Variants in GLDN observed in about 807,000 individuals in gnomAD.
GLDN encodes the protein gliomedin.
Under a neutral mutation model 56.5 loss-of-function variants are expected in GLDN, and 47 were observed. The ratio of observed to expected loss-of-function variants is 0.83; its 90% confidence interval spans 0.66 to 1.06. The LOEUF is 1.06. Among genes scored for constraint, GLDN ranks in the 50% least tolerant of loss-of-function variants. The pLI is 0.00. For missense variants in GLDN, 782 were observed against 714.3 expected, an observed-to-expected ratio of 1.09 and a Z score of -1.08; for synonymous variants, 332 against 278.8, an observed-to-expected ratio of 1.19 and a Z score of -1.90.
chr15:51,354,419 A>G (rs2037136255), intron 1 of GLDN, among the ~76,000 whole-genome samples: 1 of 152,208 alleles, frequency 6.6e-6, no homozygotes, highest in African/African-American at 2.4e-5. Flanking sequence ...ATCAGTCTCT[A>G]AACAGGAAGA....
intron 1 of GLDN, among the ~76,000 whole-genome samples, chr15:51,351,821 G>C (rs1395794994): frequency 6.6e-6 from 1 of 152,172 alleles, no homozygotes; most frequent in Non-Finnish European, 1.5e-5. Flanking sequence ...TCATATCCTG[G>C]ACCCACAGCT....
intron 1 of GLDN, among the ~76,000 whole-genome samples, chr15:51,373,829 C>T (rs2037566770): frequency 6.6e-6 from 1 of 152,194 alleles, no homozygotes; most frequent in Admixed American, 6.5e-5. Flanking sequence ...CAGCTTCAAC[C>T]TTCTCAAGAC....
intron 1 of GLDN, among the ~76,000 whole-genome samples, chr15:51,361,783 G>C (rs527736225): frequency 7.9e-5 from 12 of 152,252 alleles, no homozygotes; most frequent in Admixed American, 7.9e-4. Flanking sequence ...ACAATAAAGT[G>C]GTTGGGCGTG....
chr15:51,350,746 A>T (rs1407328311), intron 1 of GLDN, among the ~76,000 whole-genome samples: 3 of 152,204 alleles, frequency 2.0e-5, no homozygotes, highest in Non-Finnish European at 4.4e-5. Flanking sequence ...CAAATAAAGC[A>T]TTCCTTGTAA....
At chr15:51,396,407 G>A (rs1376660103) in intron 5 of GLDN, among the ~76,000 whole-genome samples, 2 of 152,238 alleles carry the variant, frequency 1.3e-5, no homozygotes, top group African/African-American at 2.4e-5. Flanking sequence ...GGGAAAAGCA[G>A]ACAGTTGGTA....
chr15:51,395,035 C>T (rs778134355), intron 5 of GLDN, 54 bp downstream of exon 5: 8 of 1,482,702 alleles, frequency 5.4e-6, no homozygotes, highest in Non-Finnish European at 7.1e-6. Flanking sequence ...CAGAGAACTG[C>T]CTGGCTTCCA....
At chr15:51,400,524 T>C (rs2038228595) in intron 8 of GLDN, 26 bp downstream of exon 8, 8 of 1,608,074 alleles carry the variant, frequency 5.0e-6, no homozygotes, top group South Asian at 1.1e-5. Context: ...CTATGACCCA[T>C]ATCTGTGTGG....
chr15:51,413,049 C>T, the GLDN span, among the ~76,000 whole-genome samples: 1 of 152,056 alleles, frequency 6.6e-6, no homozygotes, highest in African/African-American at 2.4e-5. Flanking sequence ...TTAAATCTAC[C>T]ACCTTGTTAT....
intron 4 of GLDN, among the ~76,000 whole-genome samples, chr15:51,394,495 C>T (rs1156361120): frequency 6.6e-6 from 1 of 152,110 alleles, no homozygotes; most frequent in Non-Finnish European, 1.5e-5. Flanking sequence ...CGCCTATAAT[C>T]CCAGCTACTC....
intron 2 of GLDN, among the ~76,000 whole-genome samples, chr15:51,379,998 G>T (rs775287848): frequency 3.3e-5 from 5 of 152,222 alleles, no homozygotes; most frequent in South Asian, 2.1e-4. Flanking sequence ...ACTCAGGCAC[G>T]CAGGGCACCA....
intron 1 of GLDN, among the ~76,000 whole-genome samples, chr15:51,370,647 A>C (rs1353614029): frequency 2.0e-5 from 3 of 150,618 alleles, no homozygotes; most frequent in Non-Finnish European, 4.4e-5. Context: ...AAAAAAAAAA[A>C]ATCACTTATT....
intron 1 of GLDN, among the ~76,000 whole-genome samples, chr15:51,352,588 G>T (rs970936170): frequency 1.3e-5 from 2 of 152,140 alleles, no homozygotes; most frequent in Non-Finnish European, 2.9e-5. Flanking sequence ...GCCTCTTAAA[G>T]CCTGGATTGG....
downstream of GLDN, among the ~76,000 whole-genome samples, chr15:51,410,430 G>C (rs1447322572): frequency 6.6e-6 from 1 of 152,202 alleles, no homozygotes; most frequent in Non-Finnish European, 1.5e-5. Context: ...ATCGGTGTGA[G>C]AGTGTAAAGG....
intron 2 of GLDN, among the ~76,000 whole-genome samples, chr15:51,382,820 C>T (rs913606373): frequency 6.6e-6 from 1 of 152,008 alleles, no homozygotes; most frequent in African/African-American, 2.4e-5. Context: ...ATAGAATAGT[C>T]GACAATAAGA....
chr15:51,356,605 G>A (rs1028215967), intron 1 of GLDN, among the ~76,000 whole-genome samples: 1 of 152,166 alleles, frequency 6.6e-6, no homozygotes, highest in African/African-American at 2.4e-5. Context: ...CTTTATAATG[G>A]TAAAGAGCGT....
intron 4 of GLDN, among the ~76,000 whole-genome samples, chr15:51,389,315 G>C (rs1024247558): frequency 1.3e-5 from 2 of 152,206 alleles, no homozygotes; most frequent in African/African-American, 2.4e-5. Flanking sequence ...TGATGAATGA[G>C]AATGAATTAA....
At chr15:51,344,237 G>A (rs1300740942) in intron 1 of GLDN, among the ~76,000 whole-genome samples, 4 of 152,168 alleles carry the variant, frequency 2.6e-5, no homozygotes, top group African/African-American at 9.7e-5. Context: ...TTAGGCCACA[G>A]CCTGGGGATG....
At chr15:51,402,517 A>G (rs1052454053) in intron 9 of GLDN, among the ~76,000 whole-genome samples, 1 of 152,180 alleles carries the variant, frequency 6.6e-6, no homozygotes, top group Non-Finnish European at 1.5e-5. Flanking sequence ...GTCCTCAACT[A>G]AAAACAAAAA....
chr15:51,348,920 T>A (rs1449241714), intron 1 of GLDN, among the ~76,000 whole-genome samples: 1 of 152,226 alleles, frequency 6.6e-6, no homozygotes, highest in Non-Finnish European at 1.5e-5. Flanking sequence ...GTATAGTAGT[T>A]ACTGTGTCAT....
Sources: allele counts gnomAD v4.1 joint callset (sites outside exome capture counted in the v4.1 genomes callset), GRCh38; gene constraint gnomAD v4.1.1; transcripts MANE v1.5; gene names NCBI Gene and HGNC (gene_info 2026-07-23, HGNC 2026-07-21).